MAPK4: variants seen among roughly 807,000 people sequenced by gnomAD.
MAPK4 encodes the protein mitogen-activated protein kinase 4, also known as Erk3-related.
In MAPK4, 22 loss-of-function variants were observed where a neutral mutation model predicts 47.7. That is an observed-to-expected ratio of 0.46 (90% CI 0.33 to 0.66). MAPK4 has a LOEUF of 0.66. MAPK4 is among the 30% of genes least tolerant of loss of function. The pLI is 0.02. For missense variants in MAPK4, 736 were observed against 831.7 expected, an observed-to-expected ratio of 0.88 and a Z score of 1.42; for synonymous variants, 390 against 365.7, an observed-to-expected ratio of 1.07 and a Z score of -0.76.
intron 3 of MAPK4, among the ~76,000 whole-genome samples, chr18:50,717,568 A>C (rs1910708443): frequency 6.6e-6 from 1 of 152,022 alleles, no homozygotes; most frequent in Admixed American, 6.6e-5. Context: ...CCCCCACTAA[A>C]GCCCCTGAAT....
intron 2 of MAPK4, among the ~76,000 whole-genome samples, chr18:50,689,041 A>G (rs1177277149): frequency 6.6e-6 from 1 of 151,546 alleles, no homozygotes; most frequent in Non-Finnish European, 1.5e-5. Flanking sequence ...GGCGGATCAC[A>G]TGAAGTCAGG....
intron 2 of MAPK4, among the ~76,000 whole-genome samples, chr18:50,714,645 A>G (rs1425771683): frequency 3.3e-5 from 5 of 152,206 alleles, no homozygotes; most frequent in Admixed American, 2.6e-4. Flanking sequence ...GTTCAAGCAT[A>G]TGGCTAATTC....
At chr18:50,567,893 T>G (rs1393266217) in intron 1 of MAPK4, among the ~76,000 whole-genome samples, 2 of 151,934 alleles carry the variant, frequency 1.3e-5, no homozygotes, top group East Asian at 3.9e-4. Flanking sequence ...ATAGGTATAG[T>G]GGCCATTTTA....
chr18:50,623,742 C>T (rs1440505267), intron 1 of MAPK4, among the ~76,000 whole-genome samples: 1 of 152,250 alleles, frequency 6.6e-6, no homozygotes, highest in Non-Finnish European at 1.5e-5. Context: ...GCTTGGAACA[C>T]TTTGCTGTTT....
At chr18:50,728,561 G>A (rs745739708) in intron 5 of MAPK4, among the ~76,000 whole-genome samples, 3 of 152,198 alleles carry the variant, frequency 2.0e-5, no homozygotes, top group Non-Finnish European at 2.9e-5. Context: ...AGTCAGAATT[G>A]GTGGGGGGAA....
rs1027671972 is a variant in MAPK4, at chr18:50,726,279, G to C, written c.1067+104G>C. 6 of 1,114,150 alleles carry C rather than the reference G, an allele frequency of 5.4e-6. No individual in the cohort carries two copies. The African/African-American group carries it at 9.2e-5, about 17-fold the overall frequency. 69.0% of individuals were successfully genotyped at this position (1,114,150 alleles called of 1,614,324 possible). On this transcript the variant is annotated intron_variant, in intron 5 of 5. Transcript: ENST00000400384. ...TCCCCTCTGTCTCCCAAGTTGCATA[G>C]CTCATTGGACGACTTCTCCAGCTTA... is the stretch of plus-strand genomic sequence containing the variant.
rs1208704210 is a variant in MAPK4, at chr18:50,731,031, T to C, written c.*1177T>C. On this transcript the variant is annotated 3_prime_UTR_variant, in exon 6 of 6. Transcript: ENST00000400384. ...AACAGCAGACCCTACAGAGATGTGT[T>C]GGAGAGCACGTCGTGACCTTGGGGG... 1 of 152,232 alleles carries C rather than the reference T, an allele frequency of 6.6e-6. No homozygotes were observed. Among genetic ancestry groups the C allele is most frequent in the Non-Finnish European group, 1.5e-5 (1 of 68,072 alleles). 9.4% of individuals were successfully genotyped at this position (152,232 alleles called of 1,614,324 possible). A position where few individuals can be genotyped will look rare whatever the true frequency, so the allele number is the denominator to read the frequency against.
At chr18:50,725,906 T>C in intron 4 of MAPK4, 56 bp from the exon 5 acceptor site, 1 of 1,404,360 alleles carries the variant, frequency 7.1e-7, no homozygotes. Flanking sequence ...AGGAATCTCC[T>C]TCTGAGCTCA....
intron 1 of MAPK4, among the ~76,000 whole-genome samples, chr18:50,654,247 G>C (rs1052200590): frequency 1.6e-4 from 25 of 152,320 alleles, no homozygotes; most frequent in African/African-American, 6.0e-4. Flanking sequence ...TCTGAACACT[G>C]AGCTGCCAGA....
intron 1 of MAPK4, among the ~76,000 whole-genome samples, chr18:50,570,859 A>G (rs908591412): frequency 6.6e-6 from 1 of 152,224 alleles, no homozygotes; most frequent in South Asian, 2.1e-4. Context: ...AGGCTGGACA[A>G]AGGGAGCCTG....
intron 1 of MAPK4, among the ~76,000 whole-genome samples, chr18:50,592,254 A>G (rs577209454): frequency 4.6e-5 from 7 of 152,320 alleles, no homozygotes; most frequent in African/African-American, 1.7e-4. Context: ...ACCTCCTTCT[A>G]TTGGGAAACT....
At chr18:50,602,036 T>C (rs2042545836) in intron 1 of MAPK4, among the ~76,000 whole-genome samples, 1 of 152,242 alleles carries the variant, frequency 6.6e-6, no homozygotes, top group Non-Finnish European at 1.5e-5. Flanking sequence ...CAGTATTTCC[T>C]AGCTGGTATG....
intron 1 of MAPK4, among the ~76,000 whole-genome samples, chr18:50,648,240 C>T (rs1050835335): frequency 2.0e-5 from 3 of 151,976 alleles, no homozygotes; most frequent in African/African-American, 7.3e-5. Context: ...AGGGTTGCTC[C>T]AGGCAAACAG....
rs899716825 is a variant in MAPK4, at chr18:50,731,429, G to T, written c.*1575G>T. 1 of 152,258 alleles carries T rather than the reference G, an allele frequency of 6.6e-6. No homozygotes were observed. The highest frequency in any genetic ancestry group is 2.4e-5 in the African/African-American group (1 of 41,430). The allele number at this position is 152,258 out of a possible 1,614,324, so 9.4% of individuals were successfully genotyped here. ...TCCAGGTAGAGGATTCCACCAGTTG[G>T]TCTTGGGCTGCGTTCACCCTCACAT... On this transcript the variant is annotated 3_prime_UTR_variant, in exon 6 of 6. Coordinates refer to ENST00000400384, the MANE Select transcript of MAPK4 (RefSeq NM_002747.4).
At chr18:50,623,435 G>T (rs889119400) in intron 1 of MAPK4, among the ~76,000 whole-genome samples, 2 of 152,198 alleles carry the variant, frequency 1.3e-5, no homozygotes, top group Non-Finnish European at 2.9e-5. Flanking sequence ...TCAACACCCA[G>T]TCCAGCAAAA....
intron 2 of MAPK4, among the ~76,000 whole-genome samples, chr18:50,693,283 A>G (rs1019227587): frequency 1.3e-5 from 2 of 152,122 alleles, no homozygotes; most frequent in African/African-American, 2.4e-5. Context: ...TGCACAGTCT[A>G]CAAGCAAAGT....
chr18:50,576,184 C>T (rs2042295642), intron 1 of MAPK4, among the ~76,000 whole-genome samples: 1 of 152,064 alleles, frequency 6.6e-6, no homozygotes, highest in Non-Finnish European at 1.5e-5. Context: ...CATAAAAACA[C>T]ATGCATACAT....
At chr18:50,568,241 C>G (rs957368203) in intron 1 of MAPK4, among the ~76,000 whole-genome samples, 1 of 152,036 alleles carries the variant, frequency 6.6e-6, no homozygotes, top group African/African-American at 2.4e-5. Flanking sequence ...CCATACAACC[C>G]TCATGTTCCA....
At chr18:50,562,009 T>C (rs2042157984) in intron 1 of MAPK4, among the ~76,000 whole-genome samples, 1 of 152,162 alleles carries the variant, frequency 6.6e-6, no homozygotes, top group South Asian at 2.1e-4. Flanking sequence ...AAACAGCTAT[T>C]GTGGGAATAC....
Sources: gnomAD v4.1 joint callset for allele counts (sites outside exome capture counted in the v4.1 genomes callset) on GRCh38, gnomAD v4.1.1 for gene constraint, MANE v1.5 for transcripts, NCBI Gene and HGNC (gene_info 2026-07-23, HGNC 2026-07-21) for gene names.